Variants in CLVS2 observed in about 807,000 individuals in gnomAD.
CLVS2 encodes the protein clavesin-2.
In CLVS2, 19 loss-of-function variants were observed where a neutral mutation model predicts 29.0. That is an observed-to-expected ratio of 0.66 (90% confidence interval 0.46 to 0.96). CLVS2 has a LOEUF of 0.96. Among genes scored for constraint, CLVS2 ranks in the 40% least tolerant of loss-of-function variants. The pLI is 0.00. For missense variants in CLVS2, 294 were observed against 404.1 expected, an observed-to-expected ratio of 0.73 and a Z score of 2.34; for synonymous variants, 161 against 151.3, an observed-to-expected ratio of 1.06 and a Z score of -0.47.
chr6:123,063,655 T>C lies in CLVS2; in HGVS notation c.897-19T>C, dbSNP rs180936849. On this transcript the variant is annotated intron_variant, in intron 5 of 5. Transcript: ENST00000275162. ...ATTACCTGGTAATAACTCACTGACG[T>C]TGGCTTTATCCTTTCCAGATCTCAA... 2.1e-5 allele frequency: 31 copies of C among 1,482,226 alleles called. No individual in the cohort carries two copies. In the Admixed American group the frequency reaches 2.2e-4, roughly 11 times the overall value. The allele number at this position is 1,482,226 out of a possible 1,614,324, so 91.8% of individuals were successfully genotyped here. A position where few individuals can be genotyped will look rare whatever the true frequency, so the allele number is the denominator to read the frequency against.
intron 5 of CLVS2, among the ~76,000 whole-genome samples, chr6:123,063,196 A>G (rs989664306): frequency 3.3e-5 from 5 of 152,222 alleles, no homozygotes; most frequent in African/African-American, 7.2e-5. Context: ...AAGTTAAAAA[A>G]TGACGGTCAA....
chr6:123,006,304 A>G (rs772669372), intron 2 of CLVS2, among the ~76,000 whole-genome samples: 1 of 152,198 alleles, frequency 6.6e-6, no homozygotes, highest in African/African-American at 2.4e-5. Context: ...GAGCCTATGC[A>G]TGGGTGTACA....
chr6:123,046,960 A>C (rs1272031559), intron 3 of CLVS2, among the ~76,000 whole-genome samples: 1 of 152,076 alleles, frequency 6.6e-6, no homozygotes, highest in Non-Finnish European at 1.5e-5. Flanking sequence ...AACTACAGGA[A>C]CCTAGAACTT....
chr6:123,016,449 T>A (rs186416120), intron 3 of CLVS2, among the ~76,000 whole-genome samples: 8 of 151,968 alleles, frequency 5.3e-5, no homozygotes, highest in African/African-American at 1.9e-4. Flanking sequence ...AATTTATAGA[T>A]GATTTTTAGC....
intron 3 of CLVS2, among the ~76,000 whole-genome samples, chr6:123,023,199 T>G (rs1213654841): frequency 6.6e-6 from 1 of 152,076 alleles, no homozygotes; most frequent in Non-Finnish European, 1.5e-5. Context: ...TCAGTTGCTG[T>G]GGTGTGTCCT....
At chr6:123,055,688 T>C (rs1439195388) in intron 4 of CLVS2, 118 bp from the exon 5 acceptor site, 28 of 722,000 alleles carry the variant, frequency 3.9e-5, no homozygotes, top group Non-Finnish European at 3.7e-5. Flanking sequence ...TAAAGTACTT[T>C]AACAGACATG....
chr6:123,048,770 C>T (rs747432879), intron 4 of CLVS2, 38 bp downstream of exon 4: 10 of 1,239,030 alleles, frequency 8.1e-6, no homozygotes, highest in Non-Finnish European at 1.2e-5. Context: ...TTCTCTTCCG[C>T]CATCCAATGA....
At chr6:123,055,299 T>A (rs1772676983) in intron 4 of CLVS2, among the ~76,000 whole-genome samples, 1 of 121,304 alleles carries the variant, frequency 8.2e-6, no homozygotes, top group Non-Finnish European at 1.7e-5. Flanking sequence ...AAACAGTAAT[T>A]TAGTGGTTAC....
At chr6:123,019,673 C>T (rs1404167783) in intron 3 of CLVS2, among the ~76,000 whole-genome samples, 3 of 151,998 alleles carry the variant, frequency 2.0e-5, no homozygotes, top group Non-Finnish European at 4.4e-5. Flanking sequence ...TCTGAAGACT[C>T]TCTCCAGGAC....
chr6:123,053,397 C>A (rs533692322), intron 4 of CLVS2, among the ~76,000 whole-genome samples: 1 of 152,134 alleles, frequency 6.6e-6, no homozygotes, highest in South Asian at 2.1e-4. Flanking sequence ...GCAAAAGAGA[C>A]TGCCAAGAAG....
chr6:123,061,071 C>T (rs555789656), intron 5 of CLVS2, among the ~76,000 whole-genome samples: 6 of 152,290 alleles, frequency 3.9e-5, no homozygotes, highest in East Asian at 3.9e-4. Context: ...GAGGCCAAAG[C>T]GGGTGGATCA....
chr6:123,024,958 T>A (rs564235970), intron 3 of CLVS2, among the ~76,000 whole-genome samples: 2 of 152,072 alleles, frequency 1.3e-5, no homozygotes, highest in Admixed American at 1.3e-4. Context: ...AGGGCAGCTA[T>A]CCCAATATAC....
chr6:123,019,239 C>T (rs117656213), intron 3 of CLVS2, among the ~76,000 whole-genome samples: 98 of 151,984 alleles, frequency 6.4e-4, no homozygotes, highest in African/African-American at 1.2e-3. Context: ...GGTCTTAGGA[C>T]GAGGAGGAAT....
intron 4 of CLVS2, among the ~76,000 whole-genome samples, chr6:123,054,289 T>G (rs1772659270): frequency 6.6e-6 from 1 of 152,226 alleles, no homozygotes. Context: ...GCACATGTGT[T>G]TTCCTGGATA....
intron 3 of CLVS2, among the ~76,000 whole-genome samples, chr6:123,028,198 T>G (rs1210701112): frequency 6.6e-6 from 1 of 151,550 alleles, no homozygotes. Context: ...AGGGATTCTA[T>G]TTCTTGGCAT....
rs1420696128 is a variant in CLVS2, at chr6:123,070,364, G to A, written c.*6603G>A. ...TTTCAAAACTACATCACATCAGCTAGCTCATGCTGTTGGGTCTTCAAAATA... is the reference window on the plus strand; with the variant it reads ...TTTCAAAACTACATCACATCAGCTAACTCATGCTGTTGGGTCTTCAAAATA... On this transcript the variant is annotated 3_prime_UTR_variant, in exon 6 of 6. Transcript: ENST00000275162. The A allele has an allele frequency of 1.3e-5, 2 of 151,796 alleles. No individual in the cohort carries two copies. The highest frequency in any genetic ancestry group is 4.8e-5 in the African/African-American group (2 of 41,382). 9.4% of individuals were successfully genotyped at this position (151,796 alleles called of 1,614,324 possible).
chr6:123,011,180 A>G, intron 3 of CLVS2, 21 bp downstream of exon 3: 1 of 1,518,290 alleles, frequency 6.6e-7, no homozygotes, highest in Non-Finnish European at 8.9e-7. Context: ...GAAATTACCT[A>G]CTTCCTTGGT....
At chr6:123,060,376 T>C (rs1772757898) in intron 5 of CLVS2, among the ~76,000 whole-genome samples, 1 of 152,190 alleles carries the variant, frequency 6.6e-6, no homozygotes, top group African/African-American at 2.4e-5. Flanking sequence ...CACATAACAG[T>C]AGTGAGTAAA....
intron 3 of CLVS2, among the ~76,000 whole-genome samples, chr6:123,042,627 C>A (rs1032299957): frequency 1.8e-4 from 28 of 152,162 alleles, no homozygotes; most frequent in African/African-American, 6.8e-4. Context: ...AAAGACATTC[C>A]AATTAGCTGG....
Sources: allele counts gnomAD v4.1 joint callset (sites outside exome capture counted in the v4.1 genomes callset), GRCh38; gene constraint gnomAD v4.1.1; transcripts MANE v1.5; gene names NCBI Gene and HGNC (gene_info 2026-07-23, HGNC 2026-07-21).